The following GXYLT2 variants were observed in gnomAD, a reference collection of about 807,000 sequenced individuals.
GXYLT2 encodes the protein glucoside xylosyltransferase 2.
GXYLT2 carries 53 observed loss-of-function variants against 45.8 expected under a neutral mutation model. The ratio of observed to expected loss-of-function variants is 1.16; its 90% CI spans 0.93 to 1.46. GXYLT2 has a LOEUF of 1.46. Ranked by LOEUF, GXYLT2 falls within the 40% of genes most tolerant of loss-of-function variation. The probability of loss-of-function intolerance (pLI) is 0.00; values close to 1 mark genes in which losing one functional copy is unlikely to be tolerated. For missense variants in GXYLT2, 551 were observed against 544.4 expected, an observed-to-expected ratio of 1.01 and a Z score of -0.12; for synonymous variants, 219 against 214.2, an observed-to-expected ratio of 1.02 and a Z score of -0.19.
chr3:72,966,242 G>A (rs1170240209), intron 5 of GXYLT2, among the ~76,000 whole-genome samples: 3 of 151,496 alleles, frequency 2.0e-5, no homozygotes, highest in African/African-American at 4.9e-5. Context: ...GCCTTCCAAA[G>A]TGCTGGGATT....
rs553679169 is a variant in GXYLT2, at chr3:72,909,369, C to T, written c.468+810C>T. ...ACAGGCATGAGCCACTGCGCCTGGCCGGTTTTTTTTTCCCCATATATAGTT... is the reference window on the plus strand; with the variant it reads ...ACAGGCATGAGCCACTGCGCCTGGCTGGTTTTTTTTTCCCCATATATAGTT... On this transcript the variant is annotated intron_variant, in intron 2 of 6. Transcript: ENST00000389617. Among the ~76,000 whole-genome samples the T allele has an allele frequency of 9.2e-5, 14 of 151,778 alleles. No individual in the cohort carries two copies. The South Asian group carries it at 2.5e-3, about 27-fold the overall frequency.
intron 1 of GXYLT2, among the ~76,000 whole-genome samples, chr3:72,893,283 A>G (rs930992678): frequency 1.3e-5 from 2 of 152,208 alleles, no homozygotes; most frequent in Non-Finnish European, 2.9e-5. Flanking sequence ...CTTCAGCCAC[A>G]CTGGGCTTCA....
At chr3:72,920,621 A>T (rs994387442) in intron 2 of GXYLT2, among the ~76,000 whole-genome samples, 12 of 152,082 alleles carry the variant, frequency 7.9e-5, no homozygotes, top group Non-Finnish European at 1.6e-4. Flanking sequence ...TATTTTAAAA[A>T]TTTTGTTATA....
chr3:72,936,911 G>C (rs1158012408), intron 3 of GXYLT2, among the ~76,000 whole-genome samples: 1 of 152,008 alleles, frequency 6.6e-6, no homozygotes, highest in Non-Finnish European at 1.5e-5. Flanking sequence ...ATTCTTCCAG[G>C]GTAGGAAGTT....
intron 5 of GXYLT2, among the ~76,000 whole-genome samples, chr3:72,962,186 T>C (rs188720838): frequency 1.6e-3 from 249 of 152,258 alleles, no homozygotes; most frequent in Non-Finnish European, 2.0e-3. Flanking sequence ...GAGTGCTGCA[T>C]TGTGGGATTG....
chr3:72,929,733 C>A, intron 3 of GXYLT2: 1 of 558,780 alleles, frequency 1.8e-6, no homozygotes, highest in Non-Finnish European at 3.2e-6. Flanking sequence ...TCACTTAATG[C>A]AAAATAAAGC....
chr3:72,974,978 T>C lies in GXYLT2; in HGVS notation c.1151T>C (p.Phe384Ser). ...AACTTTTTTTTTGTCATCTTTCAGT[T>C]TCCCTTTCAAGACAATCTCTTTCAA... is the stretch of plus-strand genomic sequence containing the variant. ...FRALYEAIRD[F>S]PFQDNLFQSM... The change falls in exon 7 of 7, where the codon TTT becomes TCT. Residue 384 changes from phenylalanine (F) to serine (S), a missense_variant and splice_region_variant. Phe to Ser is a radical substitution (Grantham distance 155, BLOSUM62 -2). Transcript: ENST00000389617. The C allele has an allele frequency of 6.5e-7, 1 of 1,535,640 alleles. No homozygotes were observed. The highest frequency in any genetic ancestry group is 8.8e-7 in the Non-Finnish European group (1 of 1,138,482).
At chr3:72,908,652 G>T (rs1709555548) in intron 2 of GXYLT2, 93 bp downstream of exon 2, 1 of 1,069,166 alleles carries the variant, frequency 9.4e-7, no homozygotes, top group South Asian at 1.6e-5. Context: ...GTATTTTGCT[G>T]CATGTTCAAT....
intron 3 of GXYLT2, among the ~76,000 whole-genome samples, chr3:72,937,445 A>T (rs1710207144): frequency 6.6e-6 from 1 of 152,218 alleles, no homozygotes; most frequent in Admixed American, 6.5e-5. Flanking sequence ...TGACCACCCA[A>T]TGCCTACTGC....
At chr3:72,906,441 C>A (rs1350461061) in intron 1 of GXYLT2, among the ~76,000 whole-genome samples, 1 of 152,172 alleles carries the variant, frequency 6.6e-6, no homozygotes, top group African/African-American at 2.4e-5. Context: ...CCACTCCTGG[C>A]ACCCCCATCC....
rs373373047 is a variant in GXYLT2 at position 72,922,262 on chromosome 3, C to G, written c.527C>G (p.Thr176Arg). The G allele has an allele frequency of 1.2e-4, 188 of 1,613,490 alleles. No individual in the cohort carries two copies. The highest frequency in any genetic ancestry group is 1.5e-4 in the Non-Finnish European group (182 of 1,179,568). ...TTTGAGCACAGAATCTACCCCATCACATTTTCTGTTGGAAACCCTCAGGAG... is the reference window on the plus strand; with the variant it reads ...TTTGAGCACAGAATCTACCCCATCAGATTTTCTGTTGGAAACCCTCAGGAG... ...KKFEHRIYPI[T>R]FSVGNPQEWK... is the part of the protein sequence containing the mutation. Residue 176 changes from threonine (T) to arginine (R), a missense_variant, in exon 3 of 7, where the codon ACA (threonine) becomes AGA (arginine). Physicochemically the swap from Thr to Arg is moderately conservative, Grantham distance 71. Transcript: ENST00000389617.
At chr3:72,969,882 A>AT (rs1239196395) in intron 6 of GXYLT2, among the ~76,000 whole-genome samples, 1 of 122,340 alleles carries the variant, frequency 8.2e-6, no homozygotes, top group Non-Finnish European at 1.7e-5. Context: ...CATAGTAACA[A>AT]TTTTTTGTGT....
chr3:72,957,394 T>A (rs1185388594), intron 5 of GXYLT2, 42 bp downstream of exon 5: 1 of 1,553,274 alleles, frequency 6.4e-7, no homozygotes, highest in Non-Finnish European at 8.7e-7. Context: ...AGGAGTACAC[T>A]CAGCACACCC....
intron 1 of GXYLT2, among the ~76,000 whole-genome samples, chr3:72,899,645 C>T (rs1034067556): frequency 6.6e-6 from 1 of 152,180 alleles, no homozygotes; most frequent in Non-Finnish European, 1.5e-5. Context: ...CAACTGCCAA[C>T]ACTTGACATG....
chr3:72,909,382 C>A (rs12107212), intron 2 of GXYLT2, among the ~76,000 whole-genome samples: 7,176 of 151,554 alleles, frequency 0.047, 570 homozygotes, highest in African/African-American at 0.16. Context: ...TTTTTTTTTC[C>A]CCATATATAG....
intron 5 of GXYLT2, 88 bp from the exon 6 acceptor site, chr3:72,967,459 A>G: frequency 2.1e-6 from 2 of 966,974 alleles, no homozygotes; most frequent in East Asian, 5.2e-5. Flanking sequence ...TGCTGTGTAC[A>G]GTTAGTGGAA....
intron 3 of GXYLT2, among the ~76,000 whole-genome samples, chr3:72,941,289 T>A (rs1376407927): frequency 6.6e-6 from 1 of 152,244 alleles, no homozygotes; most frequent in Non-Finnish European, 1.5e-5. Context: ...GGTTTTTGAA[T>A]GCTATCCTCA....
chr3:72,894,379 A>G (rs750676360), intron 1 of GXYLT2, among the ~76,000 whole-genome samples: 1 of 152,236 alleles, frequency 6.6e-6, no homozygotes, highest in Non-Finnish European at 1.5e-5. Context: ...GGGGGCACCC[A>G]GGAAGTGAGC....
At chr3:72,943,260 T>G (rs976359527) in intron 3 of GXYLT2, among the ~76,000 whole-genome samples, 4 of 152,202 alleles carry the variant, frequency 2.6e-5, no homozygotes, top group Non-Finnish European at 4.4e-5. Context: ...TGTATTTGGC[T>G]TAAGGAAGTG....
Sources: allele counts gnomAD v4.1 joint callset (sites outside exome capture counted in the v4.1 genomes callset), GRCh38; gene constraint gnomAD v4.1.1; transcripts MANE v1.5; gene names NCBI Gene and HGNC (gene_info 2026-07-23, HGNC 2026-07-21).